KMT2A: variants seen among roughly 807,000 people sequenced by gnomAD.
KMT2A encodes lysine methyltransferase 2A, also known as histone-lysine N-methyltransferase 2A.
Under a neutral mutation model 345.3 loss-of-function variants are expected in KMT2A, and 16 were observed. The observed-to-expected ratio is 0.05, with a 90% CI of 0.03 to 0.07. The LOEUF (loss-of-function observed/expected upper bound fraction) is 0.07. Ranked by LOEUF, KMT2A falls within the 10% of genes least tolerant of loss-of-function variation. The pLI is 1.00. For missense variants in KMT2A, 3,272 were observed against 4,841.6 expected (o/e 0.68, Z 9.62); for synonymous variants, 1,599 against 1,778.6 (o/e 0.90, Z 2.54).
In KMT2A at chr11:118,525,315, T is replaced by C. The variant is rs917614871; in HGVS notation, c.*3143T>C. 4.4e-6 allele frequency: 1 copy of C among 227,840 alleles called. No homozygotes were observed. Among genetic ancestry groups the C allele is most frequent in the Non-Finnish European group, 8.7e-6 (1 of 114,652 alleles). The allele number at this position is 227,840 out of a possible 1,614,324, so 14.1% of individuals were successfully genotyped here. A position where few individuals can be genotyped will look rare whatever the true frequency, so the allele number is the denominator to read the frequency against. On this transcript the variant is annotated 3_prime_UTR_variant, in exon 36 of 36. Coordinates refer to ENST00000534358, the MANE Select transcript of KMT2A (RefSeq NM_001197104.2). ...TTATAGCTTTGCTGCTAGAACCTGTTGTGGCTGCATTTCCTGGTGGCCAGT... is the reference window on the plus strand; with the variant it reads ...TTATAGCTTTGCTGCTAGAACCTGTCGTGGCTGCATTTCCTGGTGGCCAGT...
chr11:118,495,172 T>A lies in KMT2A; in HGVS notation c.5363+405T>A, dbSNP rs886126272. On this transcript the variant is annotated intron_variant, in intron 18 of 35. Transcript: ENST00000534358. This position sits in a 1 kb window ranked among gnomAD's most constrained non-coding sequence, Gnocchi z 4.1. ...ATTTTATTTATTTATTTATTTTTTT[T>A]TTTTTGAGACGGAGTCTCGTTCTGT... 7.9e-5 allele frequency among the ~76,000 whole-genome samples: 12 copies of A among 151,688 alleles called. No homozygotes were observed. The highest frequency in any genetic ancestry group is 1.7e-4 in the African/African-American group (7 of 41,340).
At chr11:118,446,718 T>G (rs556602909) in intron 1 of KMT2A, among the ~76,000 whole-genome samples, 5 of 152,336 alleles carry the variant, frequency 3.3e-5, no homozygotes, top group African/African-American at 1.2e-4. Flanking sequence ...CTCATTGGTC[T>G]TCCCACCTAT....
chr11:118,503,533 T>A lies in KMT2A; in HGVS notation c.7641T>A (p.Pro2547=), dbSNP rs781862712. The change falls in exon 27 of 36, where the codon CCT becomes CCA. Residue 2547 remains proline, a synonymous_variant. Coordinates refer to ENST00000534358, the MANE Select transcript of KMT2A (RefSeq NM_001197104.2). This position sits in a 1 kb window ranked among gnomAD's most constrained non-coding sequence, Gnocchi z 5.3. Reference sequence around the variant, plus strand: ...AAAATGCCCTGAAAGAAAGTAGTCCTGCTTCCCCTTTGCAAATAGAGTCAA... The same window carrying A: ...AAAATGCCCTGAAAGAAAGTAGTCCAGCTTCCCCTTTGCAAATAGAGTCAA... ...QSKNALKESS[P]ASPLQIESTS... The A allele has an allele frequency of 1.1e-5, 18 of 1,614,164 alleles. No individual in the cohort carries two copies. Among genetic ancestry groups the A allele is most frequent in the Non-Finnish European group, 1.5e-5 (18 of 1,179,994 alleles).
chr11:118,500,984 C>T lies in KMT2A; in HGVS notation c.6159-3C>T, dbSNP rs1555045437. The T allele has an allele frequency of 3.1e-6, 5 of 1,604,958 alleles. No homozygotes were observed. The highest frequency in any genetic ancestry group is 4.3e-6 in the Non-Finnish European group (5 of 1,172,898). ...GATGATTTTCCCAAATCTGTTTACC[C>T]AGGTGTTCCAGGGTATACTGGAGCA... On this transcript the variant is annotated splice_region_variant and splice_polypyrimidine_tract_variant and intron_variant, in intron 24 of 35. Coordinates refer to ENST00000534358, the MANE Select transcript of KMT2A (RefSeq NM_001197104.2).
chr11:118,514,632 A>T (rs564302711), intron 31 of KMT2A, among the ~76,000 whole-genome samples: 90 of 147,160 alleles, frequency 6.1e-4, no homozygotes, highest in African/African-American at 2.1e-3. Flanking sequence ...TTATTTTTTT[A>T]TTTTTATTTT....
intron 10 of KMT2A, among the ~76,000 whole-genome samples, chr11:118,488,053 GC>G (rs1950259935): frequency 6.6e-6 from 1 of 152,020 alleles, no homozygotes; most frequent in East Asian, 1.9e-4. Context: ...GGTGGCACGC[GC>G]CTGTGATCCC....
rs1949947243 is a variant in KMT2A, at chr11:118,471,834, T to G, written c.675T>G (p.Pro225=). 6.2e-7 allele frequency: 1 copy of G among 1,612,188 alleles called. No homozygotes were observed. The highest frequency in any genetic ancestry group is 1.3e-5 in the African/African-American group (1 of 74,608). Residue 225 remains proline, a synonymous_variant, in exon 3 of 36, where the codon CCT becomes CCG. Transcript: ENST00000534358. ...SKSIEKKRGR[P]PTFPGVKIKI... is the part of the protein sequence containing the mutation. The stretch of plus-strand genomic sequence containing the variant: ...GTATAGAAAAGAAGAGAGGAAGACC[T>G]CCCACCTTCCCTGGAGTAAAAATCA...
chr11:118,466,132 G>C (rs1949839484), intron 1 of KMT2A, among the ~76,000 whole-genome samples: 1 of 152,058 alleles, frequency 6.6e-6, no homozygotes. Flanking sequence ...AGAAGTTTGA[G>C]ACCAGCCTGG....
At chr11:118,467,228 T>G (rs1316356396) in intron 1 of KMT2A, among the ~76,000 whole-genome samples, 3 of 151,820 alleles carry the variant, frequency 2.0e-5, no homozygotes, top group African/African-American at 7.2e-5. Flanking sequence ...AATACAAAAA[T>G]GAGCTGAGCA....
chr11:118,522,342 A>T lies in KMT2A; in HGVS notation c.*170A>T. On this transcript the variant is annotated 3_prime_UTR_variant, in exon 36 of 36. Coordinates refer to ENST00000534358, the MANE Select transcript of KMT2A (RefSeq NM_001197104.2). This position sits in a 1 kb window ranked among gnomAD's most constrained non-coding sequence, Gnocchi z 5.4. ...ATACTCACATCAGACATGTGATCAT[A>T]GTCCCAGAGACAGAGTTGAGGTCTC... 1 of 640,630 alleles carries T rather than the reference A, an allele frequency of 1.6e-6. No individual in the cohort carries two copies. The highest frequency in any genetic ancestry group is 2.7e-6 in the Non-Finnish European group (1 of 375,792). The allele number at this position is 640,630 out of a possible 1,614,324, so 39.7% of individuals were successfully genotyped here. A position where few individuals can be genotyped will look rare whatever the true frequency, so the allele number is the denominator to read the frequency against.
chr11:118,469,452 A>G (rs1381107563), intron 2 of KMT2A, among the ~76,000 whole-genome samples: 1 of 152,204 alleles, frequency 6.6e-6, no homozygotes, highest in Admixed American at 6.5e-5. Flanking sequence ...GATTCTTGAA[A>G]GGCTGTATTA....
chr11:118,452,695 G>A (rs563073039), intron 1 of KMT2A, among the ~76,000 whole-genome samples: 5 of 148,166 alleles, frequency 3.4e-5, no homozygotes, highest in East Asian at 2.0e-4. Context: ...GTGCAGTGGC[G>A]CCATCTCGGC....
At chr11:118,462,530 G>T (rs1949764371) in intron 1 of KMT2A, among the ~76,000 whole-genome samples, 1 of 152,048 alleles carries the variant, frequency 6.6e-6, no homozygotes, top group Admixed American at 6.6e-5. Flanking sequence ...TTGGGTAAAA[G>T]TATAGTTCAT....
intron 1 of KMT2A, among the ~76,000 whole-genome samples, chr11:118,452,638 CTTGTT>C (rs1324754849): frequency 1.9e-4 from 26 of 134,838 alleles, no homozygotes; most frequent in Middle Eastern, 5.6e-3. Flanking sequence ...TTTTTTCTTT[CTTGTT>C]TTTTTTTTGA....
chr11:118,487,182 T>G (rs1201341715), intron 10 of KMT2A, among the ~76,000 whole-genome samples: 1 of 152,204 alleles, frequency 6.6e-6, no homozygotes, highest in African/African-American at 2.4e-5. Flanking sequence ...CTTTTCCGTC[T>G]TAATACAGTG....
rs529182127 is a variant in KMT2A, at chr11:118,495,569, G to T, written c.5364-131G>T. ...CTGTGTACTTCAGCAATTTTCAAAC[G>T]CTGTGACTTGTTCTTATATTCTGTG... On this transcript the variant is annotated intron_variant, in intron 18 of 35. Coordinates refer to ENST00000534358, the MANE Select transcript of KMT2A (RefSeq NM_001197104.2). The surrounding 1 kb of genome is among the most constrained non-coding windows in gnomAD (Gnocchi z 4.1). 3 of 573,702 alleles carry T rather than the reference G, an allele frequency of 5.2e-6. No individual in the cohort carries two copies. The highest frequency in any genetic ancestry group is 3.9e-5 in the African/African-American group (2 of 51,750). The allele number at this position is 573,702 out of a possible 1,614,324, so 35.5% of individuals were successfully genotyped here. A position where few individuals can be genotyped will look rare whatever the true frequency, so the allele number is the denominator to read the frequency against.
At position 118,473,822 on chromosome 11, in the gene KMT2A, C is replaced by T. The variant is rs782096521; in HGVS notation, c.2663C>T (p.Ser888Leu). 1.2e-6 allele frequency: 2 copies of T among 1,613,982 alleles called. No homozygotes were observed. The highest frequency in any genetic ancestry group is 1.3e-5 in the African/African-American group (1 of 74,964). Residue 888 changes from serine to leucine, a missense_variant, in exon 3 of 36, where the codon TCA becomes TTA. By Grantham distance (145) the Ser-to-Leu change is moderately radical. Coordinates refer to ENST00000534358, the MANE Select transcript of KMT2A (RefSeq NM_001197104.2). The surrounding 1 kb of genome is among the most constrained non-coding windows in gnomAD (Gnocchi z 5.2). ...AGAGAAAAGGAGAATAAGCGGGAGT[C>T]AAGGAAAGAGAAAAGGAAAAAGGGA... is the stretch of plus-strand genomic sequence containing the variant. ...REREKENKRE[S>L]RKEKRKKGSE...
intron 1 of KMT2A, among the ~76,000 whole-genome samples, chr11:118,465,432 T>C (rs1474068692): frequency 1.3e-5 from 2 of 152,228 alleles, no homozygotes; most frequent in Admixed American, 1.3e-4. Context: ...ATTTTTAATT[T>C]TTATCTTTTA....
rs1455637581 is a variant in KMT2A, at chr11:118,490,667, G to C, written c.4696+418G>C. On this transcript the variant is annotated intron_variant, in intron 13 of 35. Transcript: ENST00000534358. The surrounding 1 kb of genome is among the most constrained non-coding windows in gnomAD (Gnocchi z 4.2). ...ATATAAAGTTCACTGTTTTAAGTAA[G>C]ATAAGCAGATCAGTTTGAAGAAGTT... Among the ~76,000 whole-genome samples, 1 of 152,012 alleles carries C rather than the reference G, an allele frequency of 6.6e-6. No homozygotes were observed. Among genetic ancestry groups the C allele is most frequent in the Non-Finnish European group, 1.5e-5 (1 of 68,006 alleles).
Sources: gnomAD v4.1 joint callset for allele counts (sites outside exome capture counted in the v4.1 genomes callset) on GRCh38, gnomAD v4.1.1 for gene constraint, Gnocchi (gnomAD v3.1) non-coding constraint, MANE v1.5 for transcripts, NCBI Gene and HGNC (gene_info 2026-07-23, HGNC 2026-07-21) for gene names.